The following HS3ST1 variants were observed in gnomAD, a reference collection of about 807,000 sequenced individuals.
HS3ST1 encodes heparan sulfate glucosamine 3-O-sulfotransferase 1.
In HS3ST1, 8 loss-of-function variants were observed where a neutral mutation model predicts 20.7. That is an observed-to-expected ratio of 0.39 (90% CI 0.23 to 0.70). HS3ST1 has a LOEUF of 0.70. Among genes scored for constraint, HS3ST1 ranks in the 30% least tolerant of loss-of-function variants. The pLI, the probability that HS3ST1 is intolerant of heterozygous loss-of-function variation, is 0.46. For synonymous variants in HS3ST1, 205 were observed against 190.4 expected (o/e 1.08, Z -0.63); for missense variants, 436 against 423.4 (o/e 1.03, Z -0.26).
chr4:11,422,109 T>C (rs1288273995), intron 1 of HS3ST1, among the ~76,000 whole-genome samples: 1 of 152,244 alleles, frequency 6.6e-6, no homozygotes, highest in East Asian at 1.9e-4. Flanking sequence ...ATATGCCAGT[T>C]ATTCAGCTGG....
At chr4:11,425,086 A>G (rs1024500421) in intron 1 of HS3ST1, among the ~76,000 whole-genome samples, 3 of 152,220 alleles carry the variant, frequency 2.0e-5, no homozygotes, top group Non-Finnish European at 4.4e-5. Flanking sequence ...AATCCTTAAA[A>G]TAGAAATGAC....
rs1159300384 is a variant in HS3ST1 at position 11,397,126 on chromosome 4, G to A, written c.*1956C>T. Reference sequence around the variant, plus strand: ...TTTCTTCAGCTCTTCAAGGAGTATGGTAAAAGCAAGATCCAACGATGTGCT... The same window carrying A: ...TTTCTTCAGCTCTTCAAGGAGTATGATAAAAGCAAGATCCAACGATGTGCT... On this transcript the variant is annotated 3_prime_UTR_variant, in exon 2 of 2. Transcript: ENST00000002596. The A allele has an allele frequency of 6.6e-6, 1 of 152,196 alleles. No individual in the cohort carries two copies. Among genetic ancestry groups the A allele is most frequent in the Non-Finnish European group, 1.5e-5 (1 of 68,072 alleles). The allele number at this position is 152,196 out of a possible 1,614,324, so 9.4% of individuals were successfully genotyped here. A position where few individuals can be genotyped will look rare whatever the true frequency, so the allele number is the denominator to read the frequency against.
In HS3ST1 at chr4:11,393,991, G is replaced by C. The variant is rs1718072207; in HGVS notation, c.*5091C>G. ...TGGAGCATTAACAGCAATAGCTACA[G>C]TCACATAGCTGGGAAGCAGAGGAGG... On this transcript the variant is annotated 3_prime_UTR_variant, in exon 2 of 2. Transcript: ENST00000002596. 6.6e-6 allele frequency: 1 copy of C among 152,188 alleles called. No individual in the cohort carries two copies. Among genetic ancestry groups the C allele is most frequent in the Non-Finnish European group, 1.5e-5 (1 of 68,044 alleles). 9.4% of individuals were successfully genotyped at this position (152,188 alleles called of 1,614,324 possible).
intron 1 of HS3ST1, among the ~76,000 whole-genome samples, chr4:11,418,699 A>G (rs781696858): frequency 2.0e-5 from 3 of 152,124 alleles, no homozygotes; most frequent in Non-Finnish European, 4.4e-5. Context: ...GAAGGCCAGG[A>G]TACACCATGC....
At chr4:11,429,747 C>G (rs1719168622), upstream of HS3ST1, 1 of 138,950 alleles carries the variant, frequency 7.2e-6, no homozygotes, top group Non-Finnish European at 1.5e-5. Context: ...CTCCTCTATT[C>G]CGGAAGCTGG....
intron 1 of HS3ST1, among the ~76,000 whole-genome samples, chr4:11,404,997 G>T (rs1022693868): frequency 6.6e-6 from 1 of 152,206 alleles, no homozygotes; most frequent in Admixed American, 6.5e-5. Context: ...TCTAAACAAA[G>T]CCAGGAACTT....
intron 1 of HS3ST1, among the ~76,000 whole-genome samples, chr4:11,418,766 G>C (rs1463973230): frequency 6.6e-6 from 1 of 152,192 alleles, no homozygotes; most frequent in East Asian, 1.9e-4. Flanking sequence ...GGGGCACCAT[G>C]GCCTGTCCCT....
intron 1 of HS3ST1, 61 bp from the exon 2 acceptor site, chr4:11,400,174 A>C: frequency 1.5e-6 from 2 of 1,335,880 alleles, no homozygotes; most frequent in African/African-American, 1.5e-5. Flanking sequence ...TCAACTAACA[A>C]CTCTGTAGCC....
At chr4:11,417,209 G>A (rs562983494) in intron 1 of HS3ST1, among the ~76,000 whole-genome samples, 79 of 152,258 alleles carry the variant, frequency 5.2e-4, no homozygotes, top group South Asian at 1.2e-3. Flanking sequence ...AACATTCTAA[G>A]TTAATCAAAT....
At position 11,399,307 on chromosome 4, in the gene HS3ST1, C is replaced by T. The variant is rs1718239241; in HGVS notation, c.699G>A (p.Arg233=). 2 of 1,614,114 alleles carry T rather than the reference C, an allele frequency of 1.2e-6. No homozygotes were observed. The highest frequency in any genetic ancestry group is 8.5e-7 in the Non-Finnish European group (1 of 1,180,014). The stretch of plus-strand genomic sequence containing the variant: ...TGATCTGCGGCGACAGCTTTAGGAA[C>T]CTCTCGACCTTTTGGATCTCAGGGA... The part of the protein sequence containing the change: ...DPFPEIQKVE[R]FLKLSPQINA... The change falls in exon 2 of 2, where the codon AGG becomes AGA. Residue 233 remains arginine (R), a synonymous_variant. Transcript: ENST00000002596. The surrounding 1 kb of genome is among the most constrained non-coding windows in gnomAD (Gnocchi z 5.1).
Position 11,399,331 on chromosome 4 carries a change from G to T in HS3ST1, c.675C>A (p.Phe225Leu). The change falls in exon 2 of 2, where the codon TTC becomes TTA. Residue 225 changes from phenylalanine (F) to leucine (L), a missense_variant. Transcript: ENST00000002596. This position sits in a 1 kb window ranked among gnomAD's most constrained non-coding sequence, Gnocchi z 5.1. ...VDGDRLIRDP[F>L]PEIQKVERFL... ...ACCTCTCGACCTTTTGGATCTCAGG[G>T]AAGGGGTCCCTGATGAGGCGGTCGC... is the stretch of plus-strand genomic sequence containing the variant. 1 of 1,614,144 alleles carries T rather than the reference G, an allele frequency of 6.2e-7. No individual in the cohort carries two copies.
chr4:11,421,847 C>T (rs894841525), intron 1 of HS3ST1, among the ~76,000 whole-genome samples: 6 of 152,324 alleles, frequency 3.9e-5, no homozygotes, highest in Middle Eastern at 3.4e-3. Context: ...TCCCTGGATC[C>T]GGAGTCTGCC....
chr4:11,405,194 G>T (rs565050223), intron 1 of HS3ST1, among the ~76,000 whole-genome samples: 68 of 152,336 alleles, frequency 4.5e-4, no homozygotes, highest in Non-Finnish European at 7.9e-4. Context: ...GGGTTAATAG[G>T]TCCCAAAGGG....
At chr4:11,422,093 G>C (rs1196660457) in intron 1 of HS3ST1, among the ~76,000 whole-genome samples, 1 of 152,224 alleles carries the variant, frequency 6.6e-6, no homozygotes, top group Non-Finnish European at 1.5e-5. Flanking sequence ...CAAAGCGCTT[G>C]TATTAATATG....
At chr4:11,414,441 C>T (rs1167269135) in intron 1 of HS3ST1, among the ~76,000 whole-genome samples, 4 of 152,160 alleles carry the variant, frequency 2.6e-5, no homozygotes, top group African/African-American at 9.7e-5. Flanking sequence ...GCCTAGAGGT[C>T]CTGAAATGTT....
intron 1 of HS3ST1, among the ~76,000 whole-genome samples, chr4:11,427,907 C>T (rs948466793): frequency 6.6e-6 from 1 of 152,218 alleles, no homozygotes; most frequent in African/African-American, 2.4e-5. Context: ...GCGCGCCGTC[C>T]GCCCCCTGGC....
chr4:11,399,819 G>T lies in HS3ST1; in HGVS notation c.187C>A (p.Arg63Ser). 1 of 1,612,972 alleles carries T rather than the reference G, an allele frequency of 6.2e-7. No individual in the cohort carries two copies. The highest frequency in any genetic ancestry group is 8.5e-7 in the Non-Finnish European group (1 of 1,179,792). Residue 63 changes from arginine (R) to serine (S), a missense_variant, in exon 2 of 2, where the codon CGC (arginine) becomes AGC (serine). Coordinates refer to ENST00000002596, the MANE Select transcript of HS3ST1 (RefSeq NM_005114.4). This position sits in a 1 kb window ranked among gnomAD's most constrained non-coding sequence, Gnocchi z 5.1. ...AGCAGTGCGCGCGTGCCGCCCTTGC[G>T]CACGCCGATGATGATGGTCTGCGGC... ...QLPQTIIIGV[R>S]KGGTRALLEM...
intron 1 of HS3ST1, among the ~76,000 whole-genome samples, chr4:11,411,735 A>T (rs1718641741): frequency 1.3e-5 from 2 of 152,186 alleles, no homozygotes; most frequent in African/African-American, 4.8e-5. Flanking sequence ...ATGCAAAATG[A>T]TTTACATTTT....
intron 1 of HS3ST1, among the ~76,000 whole-genome samples, chr4:11,419,991 A>G (rs1033308768): frequency 6.6e-6 from 1 of 152,246 alleles, no homozygotes; most frequent in South Asian, 2.1e-4. Context: ...CTCACCTCTT[A>G]TGGCATGGCT....
Sources: allele counts gnomAD v4.1 joint callset (sites outside exome capture counted in the v4.1 genomes callset), GRCh38; gene constraint gnomAD v4.1.1; non-coding constraint Gnocchi (gnomAD v3.1); transcripts MANE v1.5; gene names NCBI Gene and HGNC (gene_info 2026-07-23, HGNC 2026-07-21).